Variants in PCDH15 observed in about 807,000 individuals in gnomAD.
PCDH15 encodes the protein protocadherin related 15.
PCDH15 carries 129 observed loss-of-function variants against 178.5 expected under a neutral mutation model. The ratio of observed to expected loss-of-function variants is 0.72; its 90% confidence interval spans 0.63 to 0.84. The LOEUF (loss-of-function observed/expected upper bound fraction) is 0.84, where lower values mean the gene tolerates loss of function less well. PCDH15 is among the 40% of genes least tolerant of loss of function. The pLI is 0.00. For missense variants in PCDH15, 2,230 were observed against 2,099.9 expected (o/e 1.06, Z -1.21); for synonymous variants, 800 against 732.0 (o/e 1.09, Z -1.50).
At position 55,010,765 on chromosome 10, in the gene PCDH15, T is replaced by C. The variant is rs114871841; in HGVS notation, c.-79-113265A>G. 8.7e-3 allele frequency among the ~76,000 whole-genome samples: 1,323 copies of C among 151,738 alleles called. 19 individuals carry two copies. Among genetic ancestry groups the C allele is most frequent in the African/African-American group, 0.03 (1,255 of 41,322 alleles). ...TATTGATAAAATGATTATAAGTCTC[T>C]TCCCTGCATTTGCCATGCATAAACA... On this transcript the variant is annotated intron_variant, in intron 2 of 5. Transcript: ENST00000458638.
chr10:54,527,485 C>T (rs1436622101), intron 3 of PCDH15, among the ~76,000 whole-genome samples: 1 of 152,074 alleles, frequency 6.6e-6, no homozygotes, highest in Non-Finnish European at 1.5e-5. Context: ...TGGAGGAATA[C>T]GTTGTGTTTC....
intron 15 of PCDH15, among the ~76,000 whole-genome samples, chr10:54,094,691 G>A (rs756793149): frequency 2.0e-5 from 3 of 152,096 alleles, no homozygotes; most frequent in African/African-American, 7.2e-5. Context: ...CCACTGGTTT[G>A]CTAATATATG....
At chr10:54,917,074 C>T (rs575702803) in intron 2 of PCDH15, among the ~76,000 whole-genome samples, 33 of 152,194 alleles carry the variant, frequency 2.2e-4, no homozygotes, top group African/African-American at 7.9e-4. Context: ...TGTTGAATAG[C>T]ATTGGTTAGA....
At chr10:53,871,350 AAAC>A (rs1250149043) in intron 26 of PCDH15, among the ~76,000 whole-genome samples, 2 of 152,072 alleles carry the variant, frequency 1.3e-5, no homozygotes, top group Non-Finnish European at 2.9e-5. Context: ...CAAAAAAACA[AAAC>A]AACAAAACTA....
chr10:55,022,902 G>GA (rs1453247111), intron 2 of PCDH15, among the ~76,000 whole-genome samples: 3 of 149,356 alleles, frequency 2.0e-5, no homozygotes, highest in South Asian at 2.1e-4. Context: ...TCAAGGCTCA[G>GA]AAAAAACTTA....
At chr10:54,057,148 G>A (rs1245839487) in intron 18 of PCDH15, among the ~76,000 whole-genome samples, 1 of 152,154 alleles carries the variant, frequency 6.6e-6, no homozygotes, top group African/African-American at 2.4e-5. Flanking sequence ...GACTTGCCAG[G>A]CCCAAAGTGC....
rs147218985 is a variant in PCDH15, at chr10:55,162,678, C to G, written c.-80+3898G>C. Among the ~76,000 whole-genome samples the G allele has an allele frequency of 2.0e-3, 312 of 152,218 alleles. 2 individuals carry two copies. Among genetic ancestry groups the G allele is most frequent in the African/African-American group, 6.6e-3 (273 of 41,550 alleles). ...TCCACCAGGTTAGGAGGCTGAGAAG[C>G]GCCTGAATATTGCTAAGACTCCTGT... On this transcript the variant is annotated intron_variant, in intron 2 of 5. Coordinates refer to the PCDH15 transcript ENST00000458638.
chr10:55,115,747 T>G (rs1026600432), intron 2 of PCDH15, among the ~76,000 whole-genome samples: 17 of 152,204 alleles, frequency 1.1e-4, no homozygotes, highest in African/African-American at 4.1e-4. Context: ...TAACAGGAAT[T>G]TTAGCTCCTT....
chr10:54,364,284 T>G (rs1009756406), intron 5 of PCDH15, among the ~76,000 whole-genome samples: 1 of 152,200 alleles, frequency 6.6e-6, no homozygotes. Flanking sequence ...TTTTTTTTTC[T>G]GTAAATACTG....
intron 6 of PCDH15, among the ~76,000 whole-genome samples, chr10:54,333,744 C>T (rs1588881134): frequency 6.6e-6 from 1 of 152,112 alleles, no homozygotes; most frequent in African/African-American, 2.4e-5. Context: ...ACCCAAAATT[C>T]CCGAAATTCT....
chr10:55,266,148 C>A (rs780137552), intron 1 of PCDH15, among the ~76,000 whole-genome samples: 2 of 152,126 alleles, frequency 1.3e-5, no homozygotes, highest in African/African-American at 2.4e-5. Flanking sequence ...GCACTAAATT[C>A]TTTCCTTGTA....
intron 1 of PCDH15, among the ~76,000 whole-genome samples, chr10:55,168,810 C>T (rs535386926): frequency 7.2e-5 from 11 of 152,108 alleles, no homozygotes; most frequent in South Asian, 2.1e-4. Context: ...TGATTGTGCA[C>T]GCATTTTATC....
chr10:55,448,368 T>C (rs1298448312), intron 2 of PCDH15, among the ~76,000 whole-genome samples: 5 of 152,036 alleles, frequency 3.3e-5, no homozygotes, highest in Admixed American at 1.3e-4. Flanking sequence ...AAGATTCACC[T>C]ATATTTTCAA....
At chr10:55,177,400 A>T (rs1839522655) in intron 1 of PCDH15, among the ~76,000 whole-genome samples, 1 of 152,168 alleles carries the variant, frequency 6.6e-6, no homozygotes, top group African/African-American at 2.4e-5. Context: ...TTCAATCCTT[A>T]TGGATCAGAA....
chr10:54,529,696 T>C (rs913053999), intron 2 of PCDH15, among the ~76,000 whole-genome samples: 2 of 152,150 alleles, frequency 1.3e-5, no homozygotes, highest in Non-Finnish European at 2.9e-5. Context: ...CTTCTTTTTG[T>C]AGAATTAGAT....
At chr10:54,543,330 C>T (rs1156396802) in intron 2 of PCDH15, among the ~76,000 whole-genome samples, 2 of 152,164 alleles carry the variant, frequency 1.3e-5, no homozygotes, top group African/African-American at 4.8e-5. Context: ...ACACAAATCG[C>T]CTATAGATGG....
intron 1 of PCDH15, among the ~76,000 whole-genome samples, chr10:55,211,089 C>G (rs941667055): frequency 1.3e-5 from 2 of 151,956 alleles, no homozygotes; most frequent in Non-Finnish European, 2.9e-5. Flanking sequence ...TAGCATCAGC[C>G]CAGCTAGCCT....
intron 4 of PCDH15, among the ~76,000 whole-genome samples, chr10:54,371,840 C>CT (rs1320816478): frequency 6.6e-6 from 1 of 151,904 alleles, no homozygotes; most frequent in Non-Finnish European, 1.5e-5. Flanking sequence ...GCTTCAATTT[C>CT]TTTTTTTCAC....
rs541820940 is a variant in PCDH15, at chr10:55,119,390, C to T, written c.-80+47186G>A. On this transcript the variant is annotated intron_variant, in intron 2 of 5. Transcript: ENST00000458638. ...TCCTACATTTTGCTGGACTGACACACAGAAAGGCCTAATTCTGATAAACTA... is the reference window on the plus strand; with the variant it reads ...TCCTACATTTTGCTGGACTGACACATAGAAAGGCCTAATTCTGATAAACTA... 2.0e-5 allele frequency among the ~76,000 whole-genome samples: 3 copies of T among 152,178 alleles called. No homozygotes were observed. The East Asian group carries it at 5.8e-4, about 29-fold the overall frequency.
Sources: allele counts gnomAD v4.1 joint callset (sites outside exome capture counted in the v4.1 genomes callset), GRCh38; gene constraint gnomAD v4.1.1; transcripts MANE v1.5; gene names NCBI Gene and HGNC (gene_info 2026-07-23, HGNC 2026-07-21).